RBFOX1: variants seen among roughly 807,000 people sequenced by gnomAD.
The protein encoded by RBFOX1 is RNA binding fox-1 homolog 1.
In RBFOX1, 8 loss-of-function variants were observed where a neutral mutation model predicts 57.7. That is an observed-to-expected ratio of 0.14 (90% CI 0.08 to 0.25). The LOEUF (loss-of-function observed/expected upper bound fraction) is 0.25, where lower values mean the gene tolerates loss of function less well. Among genes scored for constraint, RBFOX1 ranks in the 10% least tolerant of loss-of-function variants. The pLI is 1.00. For synonymous variants in RBFOX1, 326 were observed against 222.4 expected, an observed-to-expected ratio of 1.47 and a Z score of -4.15; for missense variants, 611 against 548.5, an observed-to-expected ratio of 1.11 and a Z score of -1.14.
chr16:7,494,440 C>A (rs1242455317), intron 4 of RBFOX1, among the ~76,000 whole-genome samples: 1 of 152,184 alleles, frequency 6.6e-6, no homozygotes, highest in Non-Finnish European at 1.5e-5. Flanking sequence ...CTCCTTTCCT[C>A]CCAGGCTGGG....
At chr16:6,343,314 A>G (rs191107153) in intron 2 of RBFOX1, among the ~76,000 whole-genome samples, 73 of 152,298 alleles carry the variant, frequency 4.8e-4, no homozygotes, top group Admixed American at 2.9e-3. Flanking sequence ...TTTCATTATC[A>G]TTTAAATATG....
At chr16:7,261,577 T>A (rs1007310743) in intron 4 of RBFOX1, among the ~76,000 whole-genome samples, 6 of 152,312 alleles carry the variant, frequency 3.9e-5, no homozygotes, top group Middle Eastern at 3.4e-3. Flanking sequence ...CAAACCGTGC[T>A]TTAAAGACTT....
chr16:6,798,983 C>G (rs1446905390), intron 3 of RBFOX1, among the ~76,000 whole-genome samples: 2 of 151,948 alleles, frequency 1.3e-5, no homozygotes, highest in African/African-American at 4.8e-5. Flanking sequence ...GGAGGGGAGT[C>G]TTTTAGGAAA....
At chr16:6,205,003 T>G (rs1479504742) in intron 1 of RBFOX1, among the ~76,000 whole-genome samples, 1 of 152,204 alleles carries the variant, frequency 6.6e-6, no homozygotes, top group Non-Finnish European at 1.5e-5. Flanking sequence ...TTGCCCTTTT[T>G]TAAATTACCA....
At chr16:6,323,423 G>A (rs1309648677) in intron 2 of RBFOX1, among the ~76,000 whole-genome samples, 1 of 152,168 alleles carries the variant, frequency 6.6e-6, no homozygotes. Context: ...AGGGCATGGG[G>A]TGTGTCAGTC....
intron 1 of RBFOX1, among the ~76,000 whole-genome samples, chr16:6,273,681 A>G (rs1330321572): frequency 6.6e-6 from 1 of 152,108 alleles, no homozygotes. Flanking sequence ...AGCACAGTTC[A>G]TAAAGAAAAG....
At chr16:6,687,720 G>A (rs1410383500) in intron 3 of RBFOX1, among the ~76,000 whole-genome samples, 15 of 152,088 alleles carry the variant, frequency 9.9e-5, no homozygotes, top group Admixed American at 5.9e-4. Flanking sequence ...CGGCCGGGGA[G>A]GACAGAGGAT....
At chr16:5,628,174 C>T (rs373163706) in intron 3 of RBFOX1, among the ~76,000 whole-genome samples, 1 of 152,250 alleles carries the variant, frequency 6.6e-6, no homozygotes, top group African/African-American at 2.4e-5. Context: ...GGTAGATACC[C>T]TTATATCAGA....
chr16:6,851,621 C>G (rs572228539), intron 3 of RBFOX1, among the ~76,000 whole-genome samples: 12 of 152,222 alleles, frequency 7.9e-5, no homozygotes, highest in African/African-American at 2.9e-4. Context: ...CTTTACATGC[C>G]TCCTCTCAAG....
chr16:7,688,980 G>C (rs1400957760), intron 14 of RBFOX1, among the ~76,000 whole-genome samples: 1 of 152,064 alleles, frequency 6.6e-6, no homozygotes, highest in Admixed American at 6.6e-5. Flanking sequence ...GTAAAAGCTT[G>C]GTCTTGAGCC....
intron 3 of RBFOX1, among the ~76,000 whole-genome samples, chr16:5,666,094 C>G (rs1336136058): frequency 6.6e-6 from 1 of 152,222 alleles, no homozygotes; most frequent in East Asian, 1.9e-4. Flanking sequence ...AGCAAGGATG[C>G]CCCCAAGGGA....
intron 5 of RBFOX1, among the ~76,000 whole-genome samples, chr16:7,553,051 A>G (rs933776675): frequency 6.6e-6 from 1 of 152,090 alleles, no homozygotes; most frequent in Non-Finnish European, 1.5e-5. Flanking sequence ...CAGGAGAAAC[A>G]AGGTATGTGC....
intron 3 of RBFOX1, among the ~76,000 whole-genome samples, chr16:6,840,267 A>G (rs1026099614): frequency 1.1e-4 from 17 of 152,170 alleles, no homozygotes; most frequent in South Asian, 6.2e-4. Context: ...CACGGAACAC[A>G]CTGAAAGACC....
chr16:5,886,808 A>G (rs1597642261), intron 4 of RBFOX1, among the ~76,000 whole-genome samples: 2 of 152,210 alleles, frequency 1.3e-5, no homozygotes, highest in East Asian at 1.9e-4. Flanking sequence ...GAATCACTTG[A>G]ACCTGGGAGG....
At chr16:5,656,984 C>T (rs914855499) in intron 3 of RBFOX1, among the ~76,000 whole-genome samples, 22 of 152,120 alleles carry the variant, frequency 1.4e-4, no homozygotes, top group Admixed American at 5.2e-4. Flanking sequence ...TTAATGCGTG[C>T]GGGGCTTAAA....
chr16:5,293,930 G>A (rs758007892), intron 1 of RBFOX1, among the ~76,000 whole-genome samples: 7 of 152,124 alleles, frequency 4.6e-5, no homozygotes, highest in Non-Finnish European at 1.0e-4. Flanking sequence ...TGTGAATTTT[G>A]CCTCAGTAAA....
chr16:6,360,083 A>G (rs568072005), intron 2 of RBFOX1, among the ~76,000 whole-genome samples: 12 of 152,256 alleles, frequency 7.9e-5, no homozygotes, highest in Admixed American at 7.2e-4. Flanking sequence ...GCAGCATTCA[A>G]TTTCGTTCAT....
chr16:7,582,725 G>C (rs2093869654), intron 6 of RBFOX1, among the ~76,000 whole-genome samples: 1 of 152,194 alleles, frequency 6.6e-6, no homozygotes, highest in African/African-American at 2.4e-5. Flanking sequence ...TTTCCTTTTG[G>C]TGCTCTATCC....
Position 6,538,733 on chromosome 16 carries a change from G to A in RBFOX1, c.-63-115870G>A, listed in dbSNP as rs1015345846. Among the ~76,000 whole-genome samples, 7 of 152,168 alleles carry A rather than the reference G, an allele frequency of 4.6e-5. No homozygotes were observed. The South Asian group carries it at 1.0e-3, about 23-fold the overall frequency. ...TCTCACTAACTTTTGACGACTGAAT[G>A]TGTTTGCCTTTTTCCAGCTGTTGGT... is the stretch of plus-strand genomic sequence containing the variant. On this transcript the variant is annotated intron_variant, in intron 2 of 15. Coordinates refer to ENST00000550418, the MANE Select transcript of RBFOX1 (RefSeq NM_018723.4).
Sources: gnomAD v4.1 joint callset for allele counts (sites outside exome capture counted in the v4.1 genomes callset) on GRCh38, gnomAD v4.1.1 for gene constraint, MANE v1.5 for transcripts, NCBI Gene and HGNC (gene_info 2026-07-23, HGNC 2026-07-21) for gene names.